Variants in PCDHGA3 observed in about 807,000 individuals in gnomAD.
PCDHGA3 encodes the protein protocadherin gamma subfamily A, 3.
Under a neutral mutation model 58.5 loss-of-function variants are expected in PCDHGA3, and 40 were observed. The ratio of observed to expected loss-of-function variants is 0.68; its 90% CI spans 0.53 to 0.89. The LOEUF (loss-of-function observed/expected upper bound fraction) is 0.89. Ranked by LOEUF, PCDHGA3 falls within the 40% of genes least tolerant of loss-of-function variation. The pLI is 0.00. For synonymous variants in PCDHGA3, 530 were observed against 525.7 expected (o/e 1.01, Z -0.11); for missense variants, 1,223 against 1,195.9 (o/e 1.02, Z -0.33).
At chr5:141,441,790 A>G in intron 1 of PCDHGA3, 1 of 391,228 alleles carries the variant, frequency 2.6e-6, no homozygotes, top group South Asian at 2.0e-5. Context: ...CTGAATGACA[A>G]CGCACCGCGG....
Position 141,491,306 on chromosome 5 carries a change from A to G in PCDHGA3, c.2425-3501A>G. ...CTCATACACCCTCCTGAGCGTTCAGACCTTACCCTTTACCTCATTGTGGCT... is the reference window on the plus strand; with the variant it reads ...CTCATACACCCTCCTGAGCGTTCAGGCCTTACCCTTTACCTCATTGTGGCT... On this transcript the variant is annotated intron_variant, in intron 1 of 3. Coordinates refer to ENST00000253812, the MANE Select transcript of PCDHGA3 (RefSeq NM_018916.4). This position sits in a 1 kb window ranked among gnomAD's most constrained non-coding sequence, Gnocchi z 6.9. 1 of 1,614,032 alleles carries G rather than the reference A, an allele frequency of 6.2e-7. No individual in the cohort carries two copies. The highest frequency in any genetic ancestry group is 2.2e-5 in the East Asian group (1 of 44,872).
At chr5:141,414,230 C>T in intron 1 of PCDHGA3, 5 of 1,613,308 alleles carry the variant, frequency 3.1e-6, no homozygotes, top group Non-Finnish European at 4.2e-6. Flanking sequence ...CCAGAGCTGA[C>T]CATCACGTCT....
chr5:141,476,421 C>T lies in PCDHGA3; in HGVS notation c.2425-18386C>T, dbSNP rs765688262. On this transcript the variant is annotated intron_variant, in intron 1 of 3. Coordinates refer to ENST00000253812, the MANE Select transcript of PCDHGA3 (RefSeq NM_018916.4). The surrounding 1 kb of genome is among the most constrained non-coding windows in gnomAD (Gnocchi z 7.6). ...CGAGAGGAGCTGTGTGGGACACTGC[C>T]CTCTTGCACTGTAACTCTGGAGTTG... 1 of 1,614,026 alleles carries T rather than the reference C, an allele frequency of 6.2e-7. No homozygotes were observed. The highest frequency in any genetic ancestry group is 8.5e-7 in the Non-Finnish European group (1 of 1,179,994).
At chr5:141,417,897 C>T (rs2096182334) in intron 1 of PCDHGA3, 1 of 1,578,084 alleles carries the variant, frequency 6.3e-7, no homozygotes, top group African/African-American at 1.4e-5. Context: ...CGGGCCGGCC[C>T]GCGGCAGGTA....
At chr5:141,399,679 T>C (rs757165628) in intron 1 of PCDHGA3, 4 of 1,613,560 alleles carry the variant, frequency 2.5e-6, no homozygotes, top group South Asian at 2.2e-5. Flanking sequence ...CGCCTTTGAC[T>C]ACGAGCAGCT....
chr5:141,387,924 CTGCCAG>C (rs145222727), intron 1 of PCDHGA3: 128,031 of 1,478,756 alleles, frequency 0.087, 6,358 homozygotes, highest in Non-Finnish European at 0.099. Context: ...GGCTGAGAGG[CTGCCAG>C]TGCTCTTTCT....
In PCDHGA3 at chr5:141,476,948, G is replaced by T; in HGVS notation, c.2425-17859G>T. 6.2e-7 allele frequency: 1 copy of T among 1,614,180 alleles called. No individual in the cohort carries two copies. On this transcript the variant is annotated intron_variant, in intron 1 of 3. Transcript: ENST00000253812. The surrounding 1 kb of genome is among the most constrained non-coding windows in gnomAD (Gnocchi z 7.6). ...GGATCTGGATGAAGGCCCCAACGGTGAAATTATTTACTCCTTCGGCAGCCA... is the reference window on the plus strand; with the variant it reads ...GGATCTGGATGAAGGCCCCAACGGTTAAATTATTTACTCCTTCGGCAGCCA...
chr5:141,405,407 CTTTT>C (rs762612492), intron 1 of PCDHGA3: 1 of 1,581,924 alleles, frequency 6.3e-7, no homozygotes, highest in Non-Finnish European at 8.6e-7. Flanking sequence ...TCTTTCTTTT[CTTTT>C]TTTGTTTTTT....
chr5:141,357,514 C>A (rs563793307), intron 1 of PCDHGA3: 1 of 1,614,254 alleles, frequency 6.2e-7, no homozygotes, highest in South Asian at 1.1e-5. Flanking sequence ...GATCTTCTCC[C>A]AACCCAGCTA....
chr5:141,403,671 C>T (rs1322750068), intron 1 of PCDHGA3: 3 of 1,613,786 alleles, frequency 1.9e-6, no homozygotes, highest in African/African-American at 1.3e-5. Flanking sequence ...GATAATGCCC[C>T]GGTTTTTGCT....
At chr5:141,439,547 T>C (rs2098120171) in intron 1 of PCDHGA3, among the ~76,000 whole-genome samples, 2 of 152,180 alleles carry the variant, frequency 1.3e-5, no homozygotes, top group Non-Finnish European at 2.9e-5. Context: ...CTCTCATTTC[T>C]TCAGGCTGCA....
intron 1 of PCDHGA3, among the ~76,000 whole-genome samples, chr5:141,469,490 G>A (rs1346871954): frequency 3.3e-5 from 5 of 152,146 alleles, no homozygotes; most frequent in East Asian, 3.9e-4. Context: ...CAGGAGAATC[G>A]CTTGAACCCG....
At chr5:141,361,476 T>C (rs1762040373) in intron 1 of PCDHGA3, 1 of 1,613,994 alleles carries the variant, frequency 6.2e-7, no homozygotes, top group Non-Finnish European at 8.5e-7. Context: ...ACGTCAACGA[T>C]AATGCCCCAG....
chr5:141,485,663 A>G lies in PCDHGA3; in HGVS notation c.2425-9144A>G, dbSNP rs1594506698. ...AAAGGCTCAGGATGCAGATGTGGGG[A>G]GCAATTCGATTAGCAGCTATAGGCT... On this transcript the variant is annotated intron_variant, in intron 1 of 3. Transcript: ENST00000253812. The surrounding 1 kb of genome is among the most constrained non-coding windows in gnomAD (Gnocchi z 5.7). The G allele has an allele frequency of 1.2e-6, 2 of 1,612,638 alleles. No homozygotes were observed. Among genetic ancestry groups the G allele is most frequent in the East Asian group, 4.5e-5 (2 of 44,840 alleles).
chr5:141,350,118 T>C, intron 1 of PCDHGA3: 1 of 585,768 alleles, frequency 1.7e-6, no homozygotes, highest in Non-Finnish European at 2.6e-6. Context: ...CTTTGTCCGG[T>C]GCACTGAGCA....
At position 141,489,135 on chromosome 5, in the gene PCDHGA3, G is replaced by T; in HGVS notation, c.2425-5672G>T. The T allele has an allele frequency of 1.4e-6, 1 of 725,448 alleles. No individual in the cohort carries two copies. The highest frequency in any genetic ancestry group is 2.1e-6 in the Non-Finnish European group (1 of 470,770). 44.9% of individuals were successfully genotyped at this position (725,448 alleles called of 1,614,324 possible). ...GCAAACCTCCGAGCAGTTTTTAAGA[G>T]GCTGGAAGGAGACATAAGAGACTTC... On this transcript the variant is annotated intron_variant, in intron 1 of 3. Coordinates refer to ENST00000253812, the MANE Select transcript of PCDHGA3 (RefSeq NM_018916.4). The surrounding 1 kb of genome is among the most constrained non-coding windows in gnomAD (Gnocchi z 4.5).
chr5:141,505,443 C>A lies in PCDHGA3; in HGVS notation c.2534C>A (p.Thr845Lys). ...TGTWPNNQFD[T>K]EMLQAMILAS... ...ACCTGGCCCAACAACCAGTTTGACA[C>A]AGAGATGCTGCAAGCCATGATCTTG... Residue 845 changes from threonine to lysine, a missense_variant, in exon 3 of 4, where the codon ACA becomes AAA. Physicochemically the swap from Thr to Lys is moderately conservative, Grantham distance 78. Transcript: ENST00000253812. 2 of 1,614,224 alleles carry A rather than the reference C, an allele frequency of 1.2e-6. No homozygotes were observed. Among genetic ancestry groups the A allele is most frequent in the Non-Finnish European group, 8.5e-7 (1 of 1,180,042 alleles).
At chr5:141,419,630 G>T in intron 1 of PCDHGA3, 2 of 1,612,430 alleles carry the variant, frequency 1.2e-6, no homozygotes, top group African/African-American at 1.3e-5. Flanking sequence ...GGTGACCAAG[G>T]TGGTGGCCGT....
intron 1 of PCDHGA3, chr5:141,365,836 C>T: frequency 6.2e-7 from 1 of 1,613,976 alleles, no homozygotes; most frequent in Non-Finnish European, 8.5e-7. Flanking sequence ...CGCCCTTGTC[C>T]TCCTATGTAT....
Sources: allele counts gnomAD v4.1 joint callset (sites outside exome capture counted in the v4.1 genomes callset), GRCh38; gene constraint gnomAD v4.1.1; non-coding constraint Gnocchi (gnomAD v3.1); transcripts MANE v1.5; gene names NCBI Gene and HGNC (gene_info 2026-07-23, HGNC 2026-07-21).